Variants in USP36 observed in about 807,000 individuals in gnomAD.
USP36 encodes the protein ubiquitin specific peptidase 36.
Under a neutral mutation model 111.5 loss-of-function variants are expected in USP36, and 59 were observed. The ratio of observed to expected loss-of-function variants is 0.53; its 90% CI spans 0.43 to 0.66. The LOEUF (loss-of-function observed/expected upper bound fraction) is 0.66. Among genes scored for constraint, USP36 ranks in the 30% least tolerant of loss-of-function variants. USP36 has a pLI of 0.00. For missense variants in USP36, 1,488 were observed against 1,468.0 expected (o/e 1.01, Z -0.22); for synonymous variants, 628 against 581.0 (o/e 1.08, Z -1.16).
upstream of USP36, chr17:78,840,879 C>T (rs1014137616): frequency 6.6e-6 from 1 of 152,426 alleles, no homozygotes; most frequent in Non-Finnish European, 1.5e-5. Flanking sequence ...CCAGCGTTCG[C>T]GCTGCGCTAA....
Position 78,798,954 on chromosome 17 carries a change from G to A in USP36, c.3194C>T (p.Thr1065Ile). 6.2e-7 allele frequency: 1 copy of A among 1,614,154 alleles called. No homozygotes were observed. Among genetic ancestry groups the A allele is most frequent in the Non-Finnish European group, 8.5e-7 (1 of 1,180,040 alleles). Reference protein sequence around the residue: ...DAIEDSRQARTETVVDDWDEE... With the variant: ...DAIEDSRQARIETVVDDWDEE... ...GTCCCAGTCATCAACCACGGTCTCA[G>A]TCCGGGCCTGTCTGCTGTCTTCAAT... The change falls in exon 19 of 21, where the codon ACT becomes ATT. Residue 1065 changes from threonine to isoleucine, a missense_variant. By Grantham distance (89) the Thr-to-Ile change is moderately conservative. This residue lies in a region of USP36 where 1,073 missense variants were observed against 994.1 expected (regional missense o/e 1.08). Coordinates refer to ENST00000449938, the MANE Select transcript of USP36 (RefSeq NM_001385174.1). The surrounding 1 kb of genome is among the most constrained non-coding windows in gnomAD (Gnocchi z 5.1).
At chr17:78,788,182 T>C (rs2093551800) in intron 3 of USP36, among the ~76,000 whole-genome samples, 1 of 152,164 alleles carries the variant, frequency 6.6e-6, no homozygotes, top group African/African-American at 2.4e-5. Context: ...ATTTTTTTTT[T>C]TGAGACAGAG....
chr17:78,827,972 C>T (rs997858565), intron 5 of USP36, among the ~76,000 whole-genome samples: 2 of 152,052 alleles, frequency 1.3e-5, no homozygotes, highest in Admixed American at 6.5e-5. Flanking sequence ...GCCTGTAATC[C>T]CAACACTTTG....
Position 78,838,675 on chromosome 17 carries a change from C to T in USP36, c.-98G>A, listed in dbSNP as rs1335323826. On this transcript the variant is annotated 5_prime_UTR_variant, in exon 2 of 21. Coordinates refer to ENST00000449938, the MANE Select transcript of USP36 (RefSeq NM_001385174.1). ...GCTGAGTTTGGTTGGGCAGGTGCTA[C>T]GCGGAGCTCCTGAATGTAAGCGCTC... is the stretch of plus-strand genomic sequence containing the variant. The T allele has an allele frequency of 6.6e-6, 1 of 152,206 alleles. No individual in the cohort carries two copies. The highest frequency in any genetic ancestry group is 1.5e-5 in the Non-Finnish European group (1 of 68,062). The allele number at this position is 152,206 out of a possible 1,614,324, so 9.4% of individuals were successfully genotyped here. A position where few individuals can be genotyped will look rare whatever the true frequency, so the allele number is the denominator to read the frequency against.
In USP36 at chr17:78,821,990, G is replaced by GT; in HGVS notation, c.703dup (p.Thr235AsnfsTer70). The GT allele has an allele frequency of 6.2e-7, 1 of 1,614,112 alleles. No homozygotes were observed. The highest frequency in any genetic ancestry group is 8.5e-7 in the Non-Finnish European group (1 of 1,180,006). Reference sequence around the variant, plus strand: ...TTGATGGACCAAGGTAGTAGCCTGCGTTTGACGATCCAACCTGAAAAGGAG... The same window carrying GT: ...TTGATGGACCAAGGTAGTAGCCTGCGTTTTGACGATCCAACCTGAAAAGGAG... On this transcript the variant is annotated frameshift_variant, in exon 7 of 21. Coordinates refer to ENST00000449938, the MANE Select transcript of USP36 (RefSeq NM_001385174.1). LOFTEE classifies it high-confidence loss of function.
intron 4 of USP36, among the ~76,000 whole-genome samples, chr17:78,832,417 A>G (rs1046092380): frequency 2.0e-5 from 3 of 152,224 alleles, no homozygotes; most frequent in Non-Finnish European, 2.9e-5. Context: ...GTCTCTTCAT[A>G]TGTTCCAAGA....
chr17:78,839,273 T>G (rs2069012719), intron 1 of USP36, among the ~76,000 whole-genome samples: 1 of 152,192 alleles, frequency 6.6e-6, no homozygotes, highest in Non-Finnish European at 1.5e-5. Context: ...AGGGAGCACA[T>G]GAGCCCCCCT....
rs192149278 is a variant in USP36, at chr17:78,789,844, T to C, written c.*21-2186A>G. Among the ~76,000 whole-genome samples the C allele has an allele frequency of 2.0e-5, 3 of 151,914 alleles. No homozygotes were observed. The East Asian group carries it at 5.8e-4, about 29-fold the overall frequency. On this transcript the variant is annotated intron_variant, in intron 3 of 3. Coordinates refer to the USP36 transcript ENST00000588130. The stretch of plus-strand genomic sequence containing the variant: ...CACTTACGCAGAAAAACAAAGGGGG[T>C]GCGGGTAGGGCTCAGGGAAGGCAAT...
intron 5 of USP36, among the ~76,000 whole-genome samples, chr17:78,827,932 T>G (rs2067724496): frequency 1.3e-5 from 2 of 151,992 alleles, no homozygotes; most frequent in African/African-American, 4.8e-5. Flanking sequence ...GAATAAAGAA[T>G]GTAAAATCCG....
At position 78,822,868 on chromosome 17, in the gene USP36, T is replaced by C. The variant is rs143995729; in HGVS notation, c.690-864A>G. On this transcript the variant is annotated intron_variant, in intron 6 of 20. Transcript: ENST00000449938. ...CCAGCTGGGTCTGCAGGCCCTTTAC[T>C]AGGAGGCTGCGCAGTGCGCCGGTGC... is the stretch of plus-strand genomic sequence containing the variant. 8.5e-3 allele frequency among the ~76,000 whole-genome samples: 1,287 copies of C among 152,240 alleles called. 17 individuals carry two copies. Among genetic ancestry groups the C allele is most frequent in the Non-Finnish European group, 9.8e-3 (663 of 67,994 alleles).
chr17:78,802,440 A>G lies in USP36; in HGVS notation c.2906T>C (p.Val969Ala), dbSNP rs560941661. The change falls in exon 17 of 21, where the codon GTA becomes GCA. Residue 969 changes from valine (V) to alanine (A), a missense_variant. Around this residue, in one of 3 missense-constraint regions of USP36, gnomAD observed 1,073 missense variants for 994.1 expected, o/e 1.08. Transcript: ENST00000449938. ...GCATTTGAGATGCCCATCCTCTTCT[A>G]CTGCCCGCTGTGTCTCCTGCTTTCT... Reference protein sequence around the residue: ...KKRKQETQRAVEEDGHLKCPR... With the variant: ...KKRKQETQRAAEEDGHLKCPR... 5.6e-6 allele frequency: 9 copies of G among 1,612,326 alleles called. No individual in the cohort carries two copies. The African/African-American group carries it at 8.0e-5, about 14-fold the overall frequency.
chr17:78,816,369 T>C (rs57078433), intron 10 of USP36, among the ~76,000 whole-genome samples: 9,015 of 152,046 alleles, frequency 0.059, 867 homozygotes, highest in African/African-American at 0.2. Context: ...CTCACACCTA[T>C]AATCCCAACA....
chr17:78,788,142 T>C (rs752387600), intron 3 of USP36, among the ~76,000 whole-genome samples: 23 of 152,176 alleles, frequency 1.5e-4, no homozygotes, highest in Non-Finnish European at 1.9e-4. Flanking sequence ...GTGTTTAAAA[T>C]TGCATATGCA....
intron 4 of USP36, among the ~76,000 whole-genome samples, chr17:78,833,660 T>C (rs111779104): frequency 9.8e-5 from 15 of 152,318 alleles, no homozygotes; most frequent in Non-Finnish European, 1.6e-4. Context: ...TTTCAACTGC[T>C]CTGCTCCCTC....
At position 78,806,296 on chromosome 17, in the gene USP36, T is replaced by C. The variant is rs1414035230; in HGVS notation, c.2086-10A>G. The C allele has an allele frequency of 1.2e-6, 2 of 1,613,346 alleles. No homozygotes were observed. Among genetic ancestry groups the C allele is most frequent in the Non-Finnish European group, 1.7e-6 (2 of 1,179,894 alleles). On this transcript the variant is annotated splice_polypyrimidine_tract_variant and intron_variant, in intron 14 of 20. Transcript: ENST00000449938. ...TCCACAGGGTGCTGGCCTGCAGTTATCGACATAAATAAAAACTTGGTGGTC... is the reference window on the plus strand; with the variant it reads ...TCCACAGGGTGCTGGCCTGCAGTTACCGACATAAATAAAAACTTGGTGGTC...
At chr17:78,793,077 T>C (rs1015180275), downstream of USP36, among the ~76,000 whole-genome samples, 3 of 151,874 alleles carry the variant, frequency 2.0e-5, no homozygotes, top group Non-Finnish European at 4.4e-5. Context: ...AGATTCTGAT[T>C]CTACTTCCGT....
intron 13 of USP36, among the ~76,000 whole-genome samples, chr17:78,810,122 CTCT>C (rs2094013498): frequency 1.3e-5 from 2 of 151,698 alleles, no homozygotes; most frequent in African/African-American, 4.8e-5. Flanking sequence ...CCCGGCCCCC[CTCT>C]TCTTTTTTTT....
rs1186737272 is a variant in USP36 at position 78,796,925 on chromosome 17, G to A, written c.*975C>T. 2.6e-5 allele frequency: 4 copies of A among 152,182 alleles called. No homozygotes were observed. The highest frequency in any genetic ancestry group is 5.9e-5 in the Non-Finnish European group (4 of 68,038). 9.4% of individuals were successfully genotyped at this position (152,182 alleles called of 1,614,324 possible). On this transcript the variant is annotated 3_prime_UTR_variant, in exon 21 of 21. Coordinates refer to ENST00000449938, the MANE Select transcript of USP36 (RefSeq NM_001385174.1). ...GTATTTATTAAGTTACAAGTTGGCAGGCACAGCTTGAGCAACATAGAAAAG... is the reference window on the plus strand; with the variant it reads ...GTATTTATTAAGTTACAAGTTGGCAAGCACAGCTTGAGCAACATAGAAAAG...
intron 6 of USP36, chr17:78,826,916 A>G (rs1263186722): frequency 1.7e-6 from 1 of 593,618 alleles, no homozygotes; most frequent in African/African-American, 1.9e-5. Context: ...GTCCATGGTA[A>G]GAACTGAATG....
Sources: gnomAD v4.1 joint callset for allele counts (sites outside exome capture counted in the v4.1 genomes callset) on GRCh38, gnomAD v4.1.1 for gene constraint, gnomAD v4.1.1 regional missense constraint, Gnocchi (gnomAD v3.1) non-coding constraint, MANE v1.5 for transcripts, NCBI Gene and HGNC (gene_info 2026-07-23, HGNC 2026-07-21) for gene names.